Variants in VAV3 observed in about 807,000 individuals in gnomAD.
The protein encoded by VAV3 is guanine nucleotide exchange factor VAV3.
A neutral mutation model predicts 131.2 loss-of-function variants in VAV3; 94 were observed. The ratio of observed to expected loss-of-function variants is 0.72; its 90% CI spans 0.61 to 0.85. The LOEUF (loss-of-function observed/expected upper bound fraction) is 0.85. Ranked by LOEUF, VAV3 falls within the 40% of genes least tolerant of loss-of-function variation. The pLI, the probability that VAV3 is intolerant of heterozygous loss-of-function variation, is 0.00. For missense variants in VAV3, 939 were observed against 1,002.7 expected (o/e 0.94, Z 0.86); for synonymous variants, 349 against 342.0 (o/e 1.02, Z -0.22).
intron 1 of VAV3, chr1:107,963,631 A>G (rs1675254691): frequency 6.6e-6 from 1 of 152,218 alleles, no homozygotes; most frequent in Non-Finnish European, 1.5e-5. Flanking sequence ...TTCCTTCTTA[A>G]AAGGCGCTGC....
At chr1:107,721,779 G>A (rs1022531283) in intron 15 of VAV3, among the ~76,000 whole-genome samples, 2 of 152,066 alleles carry the variant, frequency 1.3e-5, no homozygotes, top group South Asian at 4.2e-4. Context: ...CACAAACTAA[G>A]TAGCAATCTC....
intron 15 of VAV3, among the ~76,000 whole-genome samples, chr1:107,747,974 C>G (rs1663460212): frequency 6.6e-6 from 1 of 150,416 alleles, no homozygotes; most frequent in African/African-American, 2.4e-5. Flanking sequence ...TTGTCAACAA[C>G]TGGTAAATAA....
intron 2 of VAV3, among the ~76,000 whole-genome samples, chr1:107,852,472 C>T (rs142566026): frequency 6.6e-6 from 1 of 152,258 alleles, no homozygotes; most frequent in Admixed American, 6.5e-5. Context: ...TCCTTCCAGG[C>T]TTACATATAT....
chr1:107,943,148 T>C (rs763622042), intron 1 of VAV3, among the ~76,000 whole-genome samples: 35 of 152,212 alleles, frequency 2.3e-4, no homozygotes, highest in South Asian at 8.3e-4. Context: ...CTTAGAGTCT[T>C]GGTGGCCAGT....
intron 19 of VAV3, among the ~76,000 whole-genome samples, chr1:107,663,116 G>A (rs1338951013): frequency 6.6e-6 from 1 of 152,138 alleles, no homozygotes; most frequent in East Asian, 1.9e-4. Context: ...CTGGAATATT[G>A]TGTTACTCTA....
chr1:107,769,318 CT>C (rs1664909507), intron 6 of VAV3, among the ~76,000 whole-genome samples: 1 of 149,990 alleles, frequency 6.7e-6, no homozygotes, highest in African/African-American at 2.4e-5. Context: ...GTGACTCTAT[CT>C]AAGAAGTTAA....
chr1:107,824,161 T>C (rs1667912882), intron 2 of VAV3, among the ~76,000 whole-genome samples: 1 of 152,132 alleles, frequency 6.6e-6, no homozygotes, highest in Non-Finnish European at 1.5e-5. Flanking sequence ...ATAAATTTCA[T>C]GAGTGATGTT....
chr1:107,730,122 G>T (rs148196828), intron 15 of VAV3, among the ~76,000 whole-genome samples: 6 of 152,092 alleles, frequency 3.9e-5, no homozygotes, highest in Non-Finnish European at 8.8e-5. Flanking sequence ...AATAAGTGAC[G>T]GGTCAAACAC....
intron 3 of VAV3, among the ~76,000 whole-genome samples, chr1:107,778,557 G>A (rs776955278): frequency 1.3e-5 from 2 of 152,170 alleles, no homozygotes; most frequent in Non-Finnish European, 2.9e-5. Flanking sequence ...GAAAGGTCCT[G>A]TACCAGCAGG....
chr1:107,870,597 T>G (rs1670208760), intron 2 of VAV3, among the ~76,000 whole-genome samples: 1 of 152,176 alleles, frequency 6.6e-6, no homozygotes, highest in African/African-American at 2.4e-5. Flanking sequence ...GTCTGTTTTC[T>G]CTGCTGACTG....
intron 15 of VAV3, among the ~76,000 whole-genome samples, chr1:107,741,760 G>T (rs1663036904): frequency 1.3e-5 from 2 of 152,144 alleles, no homozygotes; most frequent in South Asian, 4.1e-4. Flanking sequence ...ACTGGAATCT[G>T]GGCTAACCTC....
chr1:107,830,203 C>T (rs747135548), intron 2 of VAV3, among the ~76,000 whole-genome samples: 59 of 151,510 alleles, frequency 3.9e-4, no homozygotes, highest in Non-Finnish European at 7.9e-4. Flanking sequence ...GACATAATTA[C>T]ACACTTTTTT....
At chr1:107,573,815 T>G (rs1570538275) in intron 26 of VAV3, among the ~76,000 whole-genome samples, 1 of 152,236 alleles carries the variant, frequency 6.6e-6, no homozygotes, top group Non-Finnish European at 1.5e-5. Flanking sequence ...AGCAGCAAGC[T>G]GTCCCACTTG....
intron 2 of VAV3, among the ~76,000 whole-genome samples, chr1:107,818,456 G>T (rs1428807870): frequency 6.6e-6 from 1 of 150,922 alleles, no homozygotes; most frequent in Non-Finnish European, 1.5e-5. Flanking sequence ...AAAGAGGGAA[G>T]GAGGGGAAAG....
At chr1:107,850,257 A>T (rs1277548998) in intron 2 of VAV3, among the ~76,000 whole-genome samples, 1 of 152,178 alleles carries the variant, frequency 6.6e-6, no homozygotes, top group African/African-American at 2.4e-5. Flanking sequence ...TTCTACTATA[A>T]AGACACATGC....
chr1:107,582,763 T>C (rs1246372609), intron 25 of VAV3, among the ~76,000 whole-genome samples: 1 of 152,146 alleles, frequency 6.6e-6, no homozygotes, highest in Non-Finnish European at 1.5e-5. Context: ...TATGGCTGCA[T>C]AGTATTCCAT....
intron 1 of VAV3, among the ~76,000 whole-genome samples, chr1:107,916,743 C>T (rs1399137167): frequency 6.6e-6 from 1 of 152,080 alleles, no homozygotes; most frequent in Non-Finnish European, 1.5e-5. Context: ...ATAACTAGAA[C>T]AAGTGTCTAG....
At chr1:107,821,257 T>C (rs1202335432) in intron 2 of VAV3, among the ~76,000 whole-genome samples, 5 of 152,142 alleles carry the variant, frequency 3.3e-5, no homozygotes, top group Non-Finnish European at 7.3e-5. Context: ...GGCAAATAAG[T>C]GTTGATTGTT....
chr1:107,816,608 T>C (rs1300140801), intron 2 of VAV3, among the ~76,000 whole-genome samples: 1 of 152,236 alleles, frequency 6.6e-6, no homozygotes, highest in African/African-American at 2.4e-5. Flanking sequence ...CATTGGTATT[T>C]AGGCTTAATG....
Sources: gnomAD v4.1 joint callset for allele counts (sites outside exome capture counted in the v4.1 genomes callset) on GRCh38, gnomAD v4.1.1 for gene constraint, MANE v1.5 for transcripts, NCBI Gene and HGNC (gene_info 2026-07-23, HGNC 2026-07-21) for gene names.